The following ALDOB variants were observed in gnomAD, a reference collection of about 807,000 sequenced individuals.
The protein encoded by ALDOB is aldolase, fructose-bisphosphate B, also known as fructose-bisphosphate aldolase B.
Under a neutral mutation model 41.0 loss-of-function variants are expected in ALDOB, and 39 were observed. The ratio of observed to expected loss-of-function variants is 0.95; its 90% CI spans 0.74 to 1.24. ALDOB has a LOEUF of 1.24. ALDOB is among the 50% of genes most tolerant of loss of function. ALDOB has a pLI of 0.00. For synonymous variants in ALDOB, 175 were observed against 168.8 expected (o/e 1.04, Z -0.28); for missense variants, 530 against 457.3 (o/e 1.16, Z -1.45).
chr9:101,423,890 C>T (rs1365983564), intron 8 of ALDOB, among the ~76,000 whole-genome samples: 4 of 152,068 alleles, frequency 2.6e-5, no homozygotes, highest in South Asian at 2.1e-4. Context: ...GCTCATAAAG[C>T]GTATTTTAAA....
rs184958489 is a variant in ALDOB at position 101,425,804 on chromosome 9, T to G, written c.625-177A>C. On this transcript the variant is annotated intron_variant, in intron 6 of 8. Coordinates refer to ENST00000647789, the MANE Select transcript of ALDOB (RefSeq NM_000035.4). The stretch of plus-strand genomic sequence containing the variant: ...CCAATGTGTTGCAATCCATAGCCAC[T>G]GAGCACAACTAAACTGGCCTGTCTT... 2.4e-3 allele frequency among the ~76,000 whole-genome samples: 366 copies of G among 152,294 alleles called. 5 individuals carry two copies. The highest frequency in any genetic ancestry group is 8.4e-3 in the African/African-American group (351 of 41,572).
At chr9:101,427,247 G>A (rs1831143855) in intron 5 of ALDOB, among the ~76,000 whole-genome samples, 1 of 152,108 alleles carries the variant, frequency 6.6e-6, no homozygotes, top group African/African-American at 2.4e-5. Context: ...TTTGACAGAG[G>A]GCAGCAGTTG....
At chr9:101,432,205 T>C (rs17187073) in intron 1 of ALDOB, among the ~76,000 whole-genome samples, 7,463 of 152,308 alleles carry the variant, frequency 0.049, 204 homozygotes, top group Non-Finnish European at 0.067. Flanking sequence ...GATCTCATTG[T>C]TGCCTCTCCA....
At chr9:101,431,505 G>T (rs553230084) in intron 1 of ALDOB, among the ~76,000 whole-genome samples, 65 of 152,330 alleles carry the variant, frequency 4.3e-4, no homozygotes, top group Admixed American at 2.6e-3. Context: ...AGACCAGAGA[G>T]GATGTTTCCT....
At chr9:101,428,593 C>G in intron 3 of ALDOB, 70 bp from the exon 4 acceptor site, 2 of 1,271,780 alleles carry the variant, frequency 1.6e-6, no homozygotes, top group Non-Finnish European at 2.3e-6. Context: ...AACTAACTAA[C>G]AGTTTGCATC....
chr9:101,429,133 T>C (rs1028699381), intron 3 of ALDOB, among the ~76,000 whole-genome samples: 6 of 150,634 alleles, frequency 4.0e-5, no homozygotes, highest in African/African-American at 1.5e-4. Flanking sequence ...CTTTTCTTTT[T>C]TCTTTCTTTT....
chr9:101,425,070 A>C (rs780941165), intron 7 of ALDOB, 28 bp from the exon 8 acceptor site: 1 of 1,611,282 alleles, frequency 6.2e-7, no homozygotes, highest in Non-Finnish European at 8.5e-7. Flanking sequence ...ATTTCACTCT[A>C]TTAGTCCCAC....
At position 101,427,661 on chromosome 9, in the gene ALDOB, A is replaced by G. The variant is rs749115200; in HGVS notation, c.380-19T>C. On this transcript the variant is annotated intron_variant, in intron 4 of 8. Coordinates refer to ENST00000647789, the MANE Select transcript of ALDOB (RefSeq NM_000035.4). ...TCAAGCCCTGCAAGTCACAAAAGAG[A>G]GAAAGGCTTCTTTGTACCTTTGTAC... 2.5e-6 allele frequency: 4 copies of G among 1,613,876 alleles called. No homozygotes were observed. The East Asian group carries it at 8.9e-5, about 36-fold the overall frequency.
At chr9:101,425,398 G>A (rs775516821) in intron 7 of ALDOB, 55 bp downstream of exon 7, 41 of 1,590,520 alleles carry the variant, frequency 2.6e-5, no homozygotes, top group Non-Finnish European at 3.4e-5. Context: ...AAAGCTTGTG[G>A]CTCTCCAAAG....
At chr9:101,423,467 C>T (rs1381420144) in intron 8 of ALDOB, among the ~76,000 whole-genome samples, 1 of 152,192 alleles carries the variant, frequency 6.6e-6, no homozygotes, top group Admixed American at 6.5e-5. Flanking sequence ...CTGGCCATAA[C>T]GTCCGATCAA....
chr9:101,429,428 G>A (rs1831181229), intron 3 of ALDOB, among the ~76,000 whole-genome samples: 1 of 151,960 alleles, frequency 6.6e-6, no homozygotes, highest in Non-Finnish European at 1.5e-5. Flanking sequence ...CAAAGTGCTG[G>A]GATTACAGCA....
chr9:101,430,384 C>T (rs2118364664), intron 2 of ALDOB, among the ~76,000 whole-genome samples: 1 of 152,306 alleles, frequency 6.6e-6, no homozygotes, highest in South Asian at 2.1e-4. Context: ...CTGAGGTTCT[C>T]CCATCCATAA....
Position 101,428,516 on chromosome 9 carries a change from T to C in ALDOB, c.332A>G (p.Gln111Arg), listed in dbSNP as rs1210158463. ...KGIVVGIKLD[Q>R]GGAPLAGTNK... ...TGTTCCTGCAAGAGGAGCACCTCCT[T>C]GGTCTAACTGTGGATACAAATAATT... is the stretch of plus-strand genomic sequence containing the variant. Residue 111 changes from glutamine (Q) to arginine (R), a missense_variant, in exon 4 of 9, where the codon CAA (glutamine) becomes CGA (arginine). Physicochemically the swap from Gln to Arg is conservative, Grantham distance 43. Coordinates refer to ENST00000647789, the MANE Select transcript of ALDOB (RefSeq NM_000035.4). The C allele has an allele frequency of 1.9e-6, 3 of 1,613,758 alleles. No homozygotes were observed. The highest frequency in any genetic ancestry group is 4.5e-5 in the East Asian group (2 of 44,886).
rs1445234665 is a variant in ALDOB, at chr9:101,427,551, C to G, written c.471G>C (p.Gln157His). 2 of 1,614,180 alleles carry G rather than the reference C, an allele frequency of 1.2e-6. No homozygotes were observed. The highest frequency in any genetic ancestry group is 1.7e-6 in the Non-Finnish European group (2 of 1,180,036). ...KWRAVLRIADQCPSSLAIQEN... is the reference protein window; with the variant it reads ...KWRAVLRIADHCPSSLAIQEN... ...CCTGGATAGCGAGGCTGGATGGACA[C>G]TGGTCGGCAATCCTCAGCACAGCAC... Residue 157 changes from glutamine (Q) to histidine (H), a missense_variant, in exon 5 of 9, where the codon CAG (glutamine) becomes CAC (histidine). Physicochemically the swap from Gln to His is conservative, Grantham distance 24 (BLOSUM62 0). Coordinates refer to ENST00000647789, the MANE Select transcript of ALDOB (RefSeq NM_000035.4).
In ALDOB at chr9:101,425,466, A is replaced by T. The variant is rs1276169638; in HGVS notation, c.786T>A (p.Pro262=). The change falls in exon 7 of 9, where the codon CCT becomes CCA. Residue 262 remains proline (P), a synonymous_variant. Transcript: ENST00000647789. ...AGAAGGCCTTACCAGGAACAGCTGCAGGAACAGTACGGTGGAGAGCTGTTA... is the reference window on the plus strand; with the variant it reads ...AGAAGGCCTTACCAGGAACAGCTGCTGGAACAGTACGGTGGAGAGCTGTTA... ...ATVTALHRTV[P]AAVPGICFLS... 1.9e-6 allele frequency: 3 copies of T among 1,614,224 alleles called. No individual in the cohort carries two copies. The South Asian group carries it at 3.3e-5, about 18-fold the overall frequency.
At chr9:101,429,655 T>C in intron 3 of ALDOB, 100 bp downstream of exon 3, 2 of 1,123,830 alleles carry the variant, frequency 1.8e-6, no homozygotes, top group South Asian at 1.2e-5. Context: ...GAAGAGAAAT[T>C]TGATGAGGAG....
chr9:101,426,127 C>CT (rs1373919790), intron 6 of ALDOB, among the ~76,000 whole-genome samples: 3 of 152,156 alleles, frequency 2.0e-5, no homozygotes, highest in Non-Finnish European at 4.4e-5. Flanking sequence ...GACTCTCCTA[C>CT]TTTCTCACAG....
In ALDOB at chr9:101,426,627, TACC is replaced by T. The variant is rs746135891; in HGVS notation, c.549_551del (p.Val184del). The T allele has an allele frequency of 9.9e-6, 16 of 1,608,176 alleles. No homozygotes were observed. Among genetic ancestry groups the T allele is most frequent in the Non-Finnish European group, 8.5e-7 (1 of 1,174,652 alleles). On this transcript the variant is annotated inframe_deletion, in exon 6 of 9. Coordinates refer to ENST00000647789, the MANE Select transcript of ALDOB (RefSeq NM_000035.4). Reference sequence around the variant, plus strand: ...GAATTACCTCTGGTTCAACAATAGGTACCAGTCCATTCTAAAAAGGAAAATCAA... The same window carrying T: ...GAATTACCTCTGGTTCAACAATAGGTAGTCCATTCTAAAAAGGAAAATCAA...
intron 3 of ALDOB, 119 bp from the exon 4 acceptor site, chr9:101,428,642 G>T: frequency 1.1e-6 from 1 of 889,798 alleles, no homozygotes; most frequent in Non-Finnish European, 1.9e-6. Flanking sequence ...AAGTGTATTA[G>T]TGCGAGGGAC....
Sources: allele counts gnomAD v4.1 joint callset (sites outside exome capture counted in the v4.1 genomes callset), GRCh38; gene constraint gnomAD v4.1.1; transcripts MANE v1.5; gene names NCBI Gene and HGNC (gene_info 2026-07-23, HGNC 2026-07-21).